The following PSMD12 variants were observed in gnomAD, a reference collection of about 807,000 sequenced individuals.
PSMD12 encodes 26S proteasome non-ATPase regulatory subunit 12.
Under a neutral mutation model 62.9 loss-of-function variants are expected in PSMD12, and 8 were observed. The ratio of observed to expected loss-of-function variants is 0.13; its 90% confidence interval spans 0.07 to 0.23. The LOEUF (loss-of-function observed/expected upper bound fraction) is 0.23, where lower values mean the gene tolerates loss of function less well. PSMD12 is among the 10% of genes least tolerant of loss of function. The pLI, the probability that PSMD12 is intolerant of heterozygous loss-of-function variation, is 1.00. For missense variants in PSMD12, 424 were observed against 550.2 expected, an observed-to-expected ratio of 0.77 and a Z score of 2.29; for synonymous variants, 173 against 187.4, an observed-to-expected ratio of 0.92 and a Z score of 0.63.
intron 3 of PSMD12, among the ~76,000 whole-genome samples, chr17:67,352,068 G>A (rs1354873888): frequency 6.8e-6 from 1 of 146,854 alleles, no homozygotes; most frequent in Non-Finnish European, 1.5e-5. Context: ...CGACAAGAGC[G>A]AGAATCTCTC....
intron 1 of PSMD12, among the ~76,000 whole-genome samples, chr17:67,364,873 T>C (rs2042164644): frequency 6.6e-6 from 1 of 152,152 alleles, no homozygotes. Flanking sequence ...CTCCTTTTCC[T>C]GGGCAGGTGC....
rs2041907889 is a variant in PSMD12, at chr17:67,340,886, G to A, written c.1328C>T (p.Thr443Met). The A allele has an allele frequency of 1.1e-5, 17 of 1,592,672 alleles. No individual in the cohort carries two copies. The highest frequency in any genetic ancestry group is 1.4e-5 in the Non-Finnish European group (16 of 1,173,534). ...CATCTCCTCTTTGGCTATGAGATGCGTAGTTTTGTTAACCAGAGACATTAA... is the reference window on the plus strand; with the variant it reads ...CATCTCCTCTTTGGCTATGAGATGCATAGTTTTGTTAACCAGAGACATTAA... ...NSLMSLVNKTTHLIAKEEMIH... is the reference protein window; with the variant it reads ...NSLMSLVNKTMHLIAKEEMIH... Residue 443 changes from threonine (T) to methionine (M), a missense_variant, in exon 11 of 11, where the codon ACG (threonine) becomes ATG (methionine). Coordinates refer to ENST00000356126, the MANE Select transcript of PSMD12 (RefSeq NM_002816.5).
rs528046189 is a variant in PSMD12, at chr17:67,350,137, A to T, written c.405+92T>A. On this transcript the variant is annotated intron_variant, in intron 4 of 10. Coordinates refer to ENST00000356126, the MANE Select transcript of PSMD12 (RefSeq NM_002816.5). ...GTGTATTTCTTTAAAAAATAAACAT[A>T]AAAATATACAAAATATCTACATACA... 23 of 758,742 alleles carry T rather than the reference A, an allele frequency of 3.0e-5. No individual in the cohort carries two copies. The Middle Eastern group carries it at 1.5e-3, about 49-fold the overall frequency. 47.0% of individuals were successfully genotyped at this position (758,742 alleles called of 1,614,324 possible).
At chr17:67,350,154 C>T (rs1305700394) in intron 4 of PSMD12, 75 bp downstream of exon 4, 3 of 853,446 alleles carry the variant, frequency 3.5e-6, no homozygotes, top group Non-Finnish European at 5.3e-6. Flanking sequence ...TACAAAATAT[C>T]TACATACATT....
Position 67,357,379 on chromosome 17 carries a change from C to G in PSMD12, c.221G>C (p.Cys74Ser). ...TAAATCCCATTCTTTAGCCTCATAG[C>G]ACATCTTCACTACTGCAACTAAGAT... is the stretch of plus-strand genomic sequence containing the variant. ...SRILVAVVKMCYEAKEWDLLN... is the reference protein window; with the variant it reads ...SRILVAVVKMSYEAKEWDLLN... The change falls in exon 3 of 11, where the codon TGC (cysteine) becomes TCC (serine). Residue 74 changes from cysteine (C) to serine (S), a missense_variant. Coordinates refer to ENST00000356126, the MANE Select transcript of PSMD12 (RefSeq NM_002816.5). The G allele has an allele frequency of 6.2e-7, 1 of 1,613,602 alleles. No individual in the cohort carries two copies. Among genetic ancestry groups the G allele is most frequent in the Non-Finnish European group, 8.5e-7 (1 of 1,179,592 alleles).
At position 67,344,766 on chromosome 17, in the gene PSMD12, A is replaced by G. The variant is rs1374760926; in HGVS notation, c.923T>C (p.Leu308Pro). The G allele has an allele frequency of 1.9e-6, 3 of 1,583,542 alleles. No individual in the cohort carries two copies. In the African/African-American group the frequency reaches 4.0e-5, roughly 21 times the overall value. ...EIPKYKDLLKLFTTMELMRWS... is the reference protein window; with the variant it reads ...EIPKYKDLLKPFTTMELMRWS... ...ACGCATCAACTCCATTGTGGTAAAA[A>G]GCTTTAAAAGATCCCTGAAAATTGT... Residue 308 changes from leucine (L) to proline (P), a missense_variant, in exon 9 of 11, where the codon CTT (leucine) becomes CCT (proline). Leu to Pro is a moderately conservative substitution (Grantham distance 98, BLOSUM62 -3). Transcript: ENST00000356126.
Position 67,340,650 on chromosome 17 carries a change from T to C in PSMD12, c.*193A>G, listed in dbSNP as rs2041904614. The C allele has an allele frequency of 6.5e-6, 3 of 459,120 alleles. No individual in the cohort carries two copies. Among genetic ancestry groups the C allele is most frequent in the Admixed American group, 4.4e-5 (1 of 22,654 alleles). 28.4% of individuals were successfully genotyped at this position (459,120 alleles called of 1,614,324 possible). A position where few individuals can be genotyped will look rare whatever the true frequency, so the allele number is the denominator to read the frequency against. ...TATTCAGACGACAGAAATCTGTATT[T>C]TTGCACCAATTGCAAATGCAAAGTT... On this transcript the variant is annotated 3_prime_UTR_variant, in exon 11 of 11. Transcript: ENST00000356126.
chr17:67,343,573 T>C (rs1461876195), intron 9 of PSMD12, among the ~76,000 whole-genome samples: 2 of 152,188 alleles, frequency 1.3e-5, no homozygotes, highest in Admixed American at 6.6e-5. Flanking sequence ...TTTCTCCATG[T>C]AGAACTACCA....
chr17:67,357,187 T>C lies in PSMD12; in HGVS notation c.297+116A>G, dbSNP rs942619719. 1.0e-5 allele frequency: 12 copies of C among 1,187,998 alleles called. No homozygotes were observed. In the African/African-American group the frequency reaches 1.7e-4, roughly 17 times the overall value. The allele number at this position is 1,187,998 out of a possible 1,614,324, so 73.6% of individuals were successfully genotyped here. Reference sequence around the variant, plus strand: ...ATGTAGACTGAATTTTAAAACACCCTCTAGGATGTTACAACGTTGACTTAA... The same window carrying C: ...ATGTAGACTGAATTTTAAAACACCCCCTAGGATGTTACAACGTTGACTTAA... On this transcript the variant is annotated intron_variant, in intron 3 of 10. Transcript: ENST00000356126.
intron 3 of PSMD12, among the ~76,000 whole-genome samples, chr17:67,351,396 A>AATAATAATAATG (rs2042016214): frequency 8.8e-6 from 1 of 113,032 alleles, no homozygotes; most frequent in East Asian, 2.0e-4. Flanking sequence ...GTCTCAAAAT[A>AATAATAATAATG]ATAATAATAA....
chr17:67,341,469 C>CAAAAAA lies in PSMD12; in HGVS notation c.1162-423_1162-418dup, dbSNP rs71368819. On this transcript the variant is annotated intron_variant, in intron 10 of 10. Transcript: ENST00000356126. ...TGGGCGACAAGGTGAGACTCTGCCT[C>CAAAAAA]AAAAAAAAAAAAAAAAAAAAAAAAA... 2.1e-3 allele frequency among the ~76,000 whole-genome samples: 108 copies of CAAAAAA among 51,074 alleles called. 5 individuals carry two copies. Among genetic ancestry groups the CAAAAAA allele is most frequent in the African/African-American group, 3.9e-3 (47 of 12,058 alleles). The allele number at this position is 51,074 out of a possible 152,430, so 33.5% of individuals were successfully genotyped here. A position where few individuals can be genotyped will look rare whatever the true frequency, so the allele number is the denominator to read the frequency against.
Position 67,342,232 on chromosome 17 carries a change from C to T in PSMD12, c.1115G>A (p.Arg372Gln), listed in dbSNP as rs377464611. 6.9e-6 allele frequency: 11 copies of T among 1,586,974 alleles called. No individual in the cohort carries two copies. Among genetic ancestry groups the T allele is most frequent in the Middle Eastern group, 1.7e-4 (1 of 5,996 alleles). ...NIRIMAKYYTRITMKRMAQLL... is the reference protein window; with the variant it reads ...NIRIMAKYYTQITMKRMAQLL... ...CTGTGCCATCCTTTTCATTGTTATC[C>T]GAGTATAATACTTGGCCATTATTCT... is the stretch of plus-strand genomic sequence containing the variant. Residue 372 changes from arginine (R) to glutamine (Q), a missense_variant, in exon 10 of 11, where the codon CGG becomes CAG. Arg to Gln is a conservative substitution (Grantham distance 43). Transcript: ENST00000356126.
chr17:67,341,521 A>G (rs1022957208), intron 10 of PSMD12, among the ~76,000 whole-genome samples: 20 of 151,174 alleles, frequency 1.3e-4, no homozygotes, highest in Non-Finnish European at 2.7e-4. Flanking sequence ...ACTTCCTATA[A>G]TAAGTACTTA....
At chr17:67,347,993 C>T (rs939128422) in intron 5 of PSMD12, among the ~76,000 whole-genome samples, 3 of 152,204 alleles carry the variant, frequency 2.0e-5, no homozygotes, top group Non-Finnish European at 2.9e-5. Flanking sequence ...AGTATTCCAT[C>T]GTACAGACAT....
At chr17:67,366,253 C>G (rs1236494691) in intron 1 of PSMD12, among the ~76,000 whole-genome samples, 159 bp downstream of exon 1, 1 of 152,330 alleles carries the variant, frequency 6.6e-6, no homozygotes, top group Middle Eastern at 3.4e-3. Flanking sequence ...CAGCCCTGGC[C>G]GGGCCGACCT....
intron 1 of PSMD12, among the ~76,000 whole-genome samples, chr17:67,360,403 A>T (rs1351666536): frequency 6.6e-6 from 1 of 152,210 alleles, no homozygotes; most frequent in Non-Finnish European, 1.5e-5. Flanking sequence ...ATTTTTGGAT[A>T]ACACTCTCTA....
chr17:67,341,508 CTGACTT>C (rs2032309793), intron 10 of PSMD12, among the ~76,000 whole-genome samples: 1 of 142,810 alleles, frequency 7.0e-6, no homozygotes, highest in Admixed American at 7.0e-5. Context: ...TTAGCAACTG[CTGACTT>C]CCTATAATAA....
intron 3 of PSMD12, among the ~76,000 whole-genome samples, chr17:67,356,431 G>A (rs1255211300): frequency 1.3e-5 from 2 of 149,562 alleles, no homozygotes; most frequent in South Asian, 2.1e-4. Context: ...GGTAGCGGGC[G>A]CCTGTAGTCC....
At position 67,356,421 on chromosome 17, in the gene PSMD12, G is replaced by A. The variant is rs945108198; in HGVS notation, c.297+882C>T. Among the ~76,000 whole-genome samples the A allele has an allele frequency of 2.0e-5, 3 of 150,200 alleles. No homozygotes were observed. The East Asian group carries it at 5.9e-4, about 29-fold the overall frequency. On this transcript the variant is annotated intron_variant, in intron 3 of 10. Coordinates refer to ENST00000356126, the MANE Select transcript of PSMD12 (RefSeq NM_002816.5). The stretch of plus-strand genomic sequence containing the variant: ...AAAATACAAAAAATTAGCCGGGCGT[G>A]GTAGCGGGCGCCTGTAGTCCCAGCT...
Sources: allele counts gnomAD v4.1 joint callset (sites outside exome capture counted in the v4.1 genomes callset), GRCh38; gene constraint gnomAD v4.1.1; transcripts MANE v1.5; gene names NCBI Gene and HGNC (gene_info 2026-07-23, HGNC 2026-07-21).